MPRIP: variants seen among roughly 807,000 people sequenced by gnomAD.
MPRIP encodes myosin phosphatase Rho-interacting protein.
In MPRIP, 59 loss-of-function variants were observed where a neutral mutation model predicts 234.9. The ratio of observed to expected loss-of-function variants is 0.25; its 90% CI spans 0.20 to 0.31. MPRIP has a LOEUF of 0.31. MPRIP is among the 10% of genes least tolerant of loss of function. MPRIP has a pLI of 1.00. For missense variants in MPRIP, 2,436 were observed against 3,071.0 expected, an observed-to-expected ratio of 0.79 and a Z score of 4.89; for synonymous variants, 1,144 against 1,263.9, an observed-to-expected ratio of 0.91 and a Z score of 2.01.
rs1204982516 is a variant in MPRIP, at chr17:17,158,687, G to A, written c.2085G>A (p.Glu695=). 1 of 1,608,736 alleles carries A rather than the reference G, an allele frequency of 6.2e-7. No individual in the cohort carries two copies. Among genetic ancestry groups the A allele is most frequent in the East Asian group, 2.2e-5 (1 of 44,806 alleles). Residue 695 remains glutamate (E), a synonymous_variant, in exon 14 of 24, where the codon GAG becomes GAA. Coordinates refer to ENST00000651222, the MANE Select transcript of MPRIP (RefSeq NM_001364716.4). ...DTHEPLRPEA[E]PGELERERAR... is the part of the protein sequence containing the mutation. ...ACGAGCCCCTGCGCCCTGAGGCGGA[G>A]CCTGGGGAGCTGGAGCGGGAGCGTG...
intron 3 of MPRIP, among the ~76,000 whole-genome samples, chr17:17,119,985 A>C (rs891651991): frequency 1.4e-4 from 21 of 152,302 alleles, no homozygotes; most frequent in East Asian, 5.8e-4. Flanking sequence ...TGTGGGGGGA[A>C]GTCAGGTTTC....
Position 17,167,973 on chromosome 17 carries a change from G to A in MPRIP, c.6324+58G>A. 4.9e-6 allele frequency: 6 copies of A among 1,225,838 alleles called. No individual in the cohort carries two copies. The highest frequency in any genetic ancestry group is 5.3e-6 in the Non-Finnish European group (5 of 941,392). The allele number at this position is 1,225,838 out of a possible 1,614,324, so 75.9% of individuals were successfully genotyped here. A position where few individuals can be genotyped will look rare whatever the true frequency, so the allele number is the denominator to read the frequency against. On this transcript the variant is annotated intron_variant, in intron 16 of 23. Coordinates refer to ENST00000651222, the MANE Select transcript of MPRIP (RefSeq NM_001364716.4). This position sits in a 1 kb window ranked among gnomAD's most constrained non-coding sequence, Gnocchi z 5.9. ...TCTTCCTTGATAATGGGGTGGGTGTGGGGACGTCTGGCTCAGCTACCGTGC... is the reference window on the plus strand; with the variant it reads ...TCTTCCTTGATAATGGGGTGGGTGTAGGGACGTCTGGCTCAGCTACCGTGC...
rs1054689028 is a variant in MPRIP, at chr17:17,167,666, G to T, written c.6075G>T (p.Ser2025=). ...EELRTLQEHY[S]QSLRCLQDTL... ...TGAGGACCCTGCAGGAGCACTACTC[G>T]CAGAGCCTGAGGTGCCTTCAGGACA... The change falls in exon 16 of 24, where the codon TCG becomes TCT. Residue 2025 remains serine, a synonymous_variant. Transcript: ENST00000651222. This position sits in a 1 kb window ranked among gnomAD's most constrained non-coding sequence, Gnocchi z 5.9. 4 of 1,304,208 alleles carry T rather than the reference G, an allele frequency of 3.1e-6. No individual in the cohort carries two copies. The South Asian group carries it at 3.7e-5, about 12-fold the overall frequency. The allele number at this position is 1,304,208 out of a possible 1,614,324, so 80.8% of individuals were successfully genotyped here. A position where few individuals can be genotyped will look rare whatever the true frequency, so the allele number is the denominator to read the frequency against.
intron 9 of MPRIP, among the ~76,000 whole-genome samples, chr17:17,145,427 T>G (rs1030083456): frequency 2.6e-5 from 4 of 152,160 alleles, no homozygotes; most frequent in South Asian, 2.1e-4. Context: ...GGCCCAGGTG[T>G]GTCTGGGCGG....
At chr17:17,092,399 T>A (rs2089740056) in intron 3 of MPRIP, among the ~76,000 whole-genome samples, 1 of 152,192 alleles carries the variant, frequency 6.6e-6, no homozygotes, top group African/African-American at 2.4e-5. Flanking sequence ...GGCACTGTGA[T>A]GTGCAGAATA....
intron 13 of MPRIP, 74 bp from the exon 14 acceptor site, chr17:17,158,358 C>T: frequency 2.3e-6 from 3 of 1,313,782 alleles, no homozygotes; most frequent in Non-Finnish European, 2.1e-6. Context: ...TGTGGCTCAG[C>T]ATTGCCAGCT....
At chr17:17,152,195 G>C (rs375331676) in intron 12 of MPRIP, among the ~76,000 whole-genome samples, 7 of 152,398 alleles carry the variant, frequency 4.6e-5, no homozygotes, top group African/African-American at 1.7e-4. Context: ...CCGGGTGTGA[G>C]TTGTCTGCTC....
At chr17:17,071,019 TG>T (rs1202648304) in intron 1 of MPRIP, among the ~76,000 whole-genome samples, 1 of 152,234 alleles carries the variant, frequency 6.6e-6, no homozygotes, top group Non-Finnish European at 1.5e-5. Context: ...CCCTTCCCAC[TG>T]GGCAATGGTA....
At chr17:17,122,761 C>T (rs2090416744) in intron 3 of MPRIP, among the ~76,000 whole-genome samples, 1 of 152,250 alleles carries the variant, frequency 6.6e-6, no homozygotes, top group Non-Finnish European at 1.5e-5. Context: ...GTCCCAAACC[C>T]TCACGCAGTG....
At chr17:17,094,621 C>CT (rs759404428) in intron 3 of MPRIP, among the ~76,000 whole-genome samples, 9,301 of 134,656 alleles carry the variant, frequency 0.069, 955 homozygotes, top group African/African-American at 0.23. Context: ...TCTTCACTGT[C>CT]TTTTTTTTTT....
In MPRIP at chr17:17,177,358, G is replaced by A. The variant is rs746086597; in HGVS notation, c.7066G>A (p.Ala2356Thr). Residue 2356 changes from alanine to threonine, a missense_variant, in exon 22 of 24, where the codon GCA becomes ACA. Physicochemically the swap from Ala to Thr is moderately conservative, Grantham distance 58 (BLOSUM62 0). Coordinates refer to ENST00000651222, the MANE Select transcript of MPRIP (RefSeq NM_001364716.4). ...CAGGTTGAAGGAGCAGCTCAAGGCT[G>A]CAACGGAAGCACTGGGGGAGAAGTC... ...ISRLKEQLKA[A>T]TEALGEKSPD... 4.3e-6 allele frequency: 7 copies of A among 1,613,938 alleles called. No individual in the cohort carries two copies. The Admixed American group carries it at 6.7e-5, about 15-fold the overall frequency.
intron 16 of MPRIP, chr17:17,169,954 G>A (rs1012722570): frequency 1.3e-5 from 2 of 151,890 alleles, no homozygotes; most frequent in Admixed American, 1.3e-4. Flanking sequence ...AGATGTCCCA[G>A]TGCTTCTGTT....
At chr17:17,142,825 C>T in intron 8 of MPRIP, 60 bp downstream of exon 8, 1 of 1,573,898 alleles carries the variant, frequency 6.4e-7, no homozygotes, top group East Asian at 2.2e-5. Flanking sequence ...CAGCATGCAC[C>T]CCATGCGCCA....
At chr17:17,060,941 C>T (rs1369646932) in intron 1 of MPRIP, among the ~76,000 whole-genome samples, 1 of 152,234 alleles carries the variant, frequency 6.6e-6, no homozygotes, top group African/African-American at 2.4e-5. Context: ...ACAGTTTGGT[C>T]AACACAGGAC....
chr17:17,174,954 C>A (rs557864186), intron 19 of MPRIP, among the ~76,000 whole-genome samples: 7 of 152,202 alleles, frequency 4.6e-5, no homozygotes, highest in Admixed American at 1.3e-4. Flanking sequence ...TGCACAAACA[C>A]CCCCTGGGGC....
At position 17,088,486 on chromosome 17, in the gene MPRIP, A is replaced by T. The variant is rs555504658; in HGVS notation, c.267+10410A>T. ...GTGTCAAAAAAAGTCATTTCATGGG[A>T]GGTGCAACAGAAAATATTTAGGGTT... On this transcript the variant is annotated intron_variant, in intron 3 of 23. Transcript: ENST00000651222. Among the ~76,000 whole-genome samples, 4 of 152,324 alleles carry T rather than the reference A, an allele frequency of 2.6e-5. No homozygotes were observed. The South Asian group carries it at 8.3e-4, about 32-fold the overall frequency.
chr17:17,167,005 C>G lies in MPRIP; in HGVS notation c.5414C>G (p.Pro1805Arg). 7.7e-7 allele frequency: 1 copy of G among 1,304,282 alleles called. No individual in the cohort carries two copies. The highest frequency in any genetic ancestry group is 1.0e-6 in the Non-Finnish European group (1 of 988,956). The allele number at this position is 1,304,282 out of a possible 1,614,324, so 80.8% of individuals were successfully genotyped here. A position where few individuals can be genotyped will look rare whatever the true frequency, so the allele number is the denominator to read the frequency against. The change falls in exon 16 of 24, where the codon CCT becomes CGT. Residue 1805 changes from proline to arginine, a missense_variant. This residue lies in a region of MPRIP where 1,998 missense variants were observed against 2,520.3 expected (regional missense o/e 0.79). Transcript: ENST00000651222. This position sits in a 1 kb window ranked among gnomAD's most constrained non-coding sequence, Gnocchi z 5.9. ...GCGGCTGCCTTACCATCTCTGCCACCTGTGGAATCGCTGAGAGATTGCCAG... is the reference window on the plus strand; with the variant it reads ...GCGGCTGCCTTACCATCTCTGCCACGTGTGGAATCGCTGAGAGATTGCCAG... ...EIAAALPSLP[P>R]VESLRDCQKL...
At chr17:17,058,507 C>A (rs1410992898) in intron 1 of MPRIP, among the ~76,000 whole-genome samples, 2 of 140,028 alleles carry the variant, frequency 1.4e-5, no homozygotes, top group African/African-American at 5.4e-5. Flanking sequence ...GGAGGAGAGC[C>A]CCAGGGGCCA....
At chr17:17,115,221 A>ACC (rs2090260099) in intron 3 of MPRIP, among the ~76,000 whole-genome samples, 1 of 152,250 alleles carries the variant, frequency 6.6e-6, no homozygotes, top group African/African-American at 2.4e-5. Context: ...TGGGAGCGGT[A>ACC]GCTCTGCGTC....
Sources: allele counts gnomAD v4.1 joint callset (sites outside exome capture counted in the v4.1 genomes callset), GRCh38; gene constraint gnomAD v4.1.1; regional missense constraint gnomAD v4.1.1; non-coding constraint Gnocchi (gnomAD v3.1); transcripts MANE v1.5; gene names NCBI Gene and HGNC (gene_info 2026-07-23, HGNC 2026-07-21).